GATA4: variants seen among roughly 807,000 people sequenced by gnomAD.
GATA4 encodes GATA binding protein 4, also known as transcription factor GATA-4.
GATA4 carries 7 observed loss-of-function variants against 37.9 expected under a neutral mutation model. That is an observed-to-expected ratio of 0.18 (90% confidence interval 0.11 to 0.35). The LOEUF (loss-of-function observed/expected upper bound fraction) is 0.35, where lower values mean the gene tolerates loss of function less well. GATA4 is among the 10% of genes least tolerant of loss of function. GATA4 has a pLI of 1.00. For synonymous variants in GATA4, 372 were observed against 292.6 expected (o/e 1.27, Z -2.77); for missense variants, 647 against 653.0 (o/e 0.99, Z 0.10).
intron 2 of GATA4, among the ~76,000 whole-genome samples, chr8:11,712,618 G>T (rs1800241263): frequency 6.6e-6 from 1 of 151,758 alleles, no homozygotes; most frequent in Non-Finnish European, 1.5e-5. Flanking sequence ...CCCTTTGGGA[G>T]GCTGAGGTGG....
At chr8:11,753,477 G>C (rs28565241) in intron 4 of GATA4, among the ~76,000 whole-genome samples, 1 of 143,456 alleles carries the variant, frequency 7.0e-6, no homozygotes, top group African/African-American at 2.6e-5. Flanking sequence ...AGTTAGGTGT[G>C]TTTCATTTTA....
chr8:11,689,899 G>A (rs768599448), upstream of GATA4, among the ~76,000 whole-genome samples: 33 of 152,220 alleles, frequency 2.2e-4, no homozygotes, highest in Admixed American at 1.8e-3. Flanking sequence ...AATTCCTATA[G>A]TAGCATGTTG....
intron 2 of GATA4, among the ~76,000 whole-genome samples, chr8:11,741,723 G>A (rs909764603): frequency 6.6e-6 from 1 of 152,228 alleles, no homozygotes; most frequent in African/African-American, 2.4e-5. Context: ...TGAAGGCCAG[G>A]AAGCGTTTCC....
chr8:11,690,799 A>T (rs1184539136), upstream of GATA4, among the ~76,000 whole-genome samples: 1 of 152,190 alleles, frequency 6.6e-6, no homozygotes, highest in Non-Finnish European at 1.5e-5. Context: ...TGAGCCCAGG[A>T]ATTGGAGGCT....
At chr8:11,742,669 G>T (rs772916343) in intron 2 of GATA4, among the ~76,000 whole-genome samples, 1 of 152,240 alleles carries the variant, frequency 6.6e-6, no homozygotes, top group African/African-American at 2.4e-5. Flanking sequence ...GGGCCTCCCC[G>T]TGACAGCCTC....
rs564378204 is a variant in GATA4, at chr8:11,707,823, C to A, written c.-457-33C>A. 4.7e-6 allele frequency: 1 copy of A among 211,688 alleles called. No homozygotes were observed. Among genetic ancestry groups the A allele is most frequent in the African/African-American group, 2.4e-5 (1 of 41,928 alleles). 13.1% of individuals were successfully genotyped at this position (211,688 alleles called of 1,614,324 possible). A position where few individuals can be genotyped will look rare whatever the true frequency, so the allele number is the denominator to read the frequency against. On this transcript the variant is annotated intron_variant, in intron 1 of 6. Coordinates refer to ENST00000532059, the MANE Select transcript of GATA4 (RefSeq NM_001308093.3). The surrounding 1 kb of genome is among the most constrained non-coding windows in gnomAD (Gnocchi z 4.7). ...TGGGTTCTGAAAGCTCTGGGATGAA[C>A]CACCCTCTCTCTTTCTGTCGTTCCT... is the stretch of plus-strand genomic sequence containing the variant.
chr8:11,682,031 G>T (rs189612084), intron 1 of GATA4, among the ~76,000 whole-genome samples: 1 of 152,214 alleles, frequency 6.6e-6, no homozygotes, highest in African/African-American at 2.4e-5. Flanking sequence ...AAGGCTTCTT[G>T]TCTGTGAATT....
At chr8:11,746,723 C>G (rs1353539263) in intron 2 of GATA4, among the ~76,000 whole-genome samples, 1 of 151,816 alleles carries the variant, frequency 6.6e-6, no homozygotes, top group East Asian at 1.9e-4. Context: ...GGTGGTCCAG[C>G]TGGGAGCAAG....
intron 1 of GATA4, among the ~76,000 whole-genome samples, chr8:11,684,722 T>C (rs1799085160): frequency 6.6e-6 from 1 of 152,232 alleles, no homozygotes; most frequent in South Asian, 2.1e-4. Flanking sequence ...GACATAATCA[T>C]GTGTTCAGCT....
At chr8:11,712,853 C>A (rs914600620) in intron 2 of GATA4, among the ~76,000 whole-genome samples, 2 of 152,020 alleles carry the variant, frequency 1.3e-5, no homozygotes, top group South Asian at 2.1e-4. Flanking sequence ...AGAGCAAAGA[C>A]CCTGTCTCAA....
At chr8:11,722,788 C>A (rs912358853) in intron 2 of GATA4, among the ~76,000 whole-genome samples, 1 of 152,172 alleles carries the variant, frequency 6.6e-6, no homozygotes, top group Non-Finnish European at 1.5e-5. Context: ...TTGCCTAGAC[C>A]CTTTACTTTG....
At chr8:11,712,307 A>G (rs372653676) in intron 2 of GATA4, among the ~76,000 whole-genome samples, 3 of 152,188 alleles carry the variant, frequency 2.0e-5, no homozygotes, top group Admixed American at 6.5e-5. Context: ...TGGACACTCA[A>G]TGTGAAAATG....
intron 2 of GATA4, among the ~76,000 whole-genome samples, chr8:11,748,044 C>A (rs1423091552): frequency 6.6e-6 from 1 of 151,738 alleles, no homozygotes; most frequent in Non-Finnish European, 1.5e-5. Flanking sequence ...CCTGATGAAA[C>A]CCCGTCTCTA....
In GATA4 at chr8:11,758,754, T is replaced by C. The variant is rs1802736055; in HGVS notation, c.*279T>C. On this transcript the variant is annotated 3_prime_UTR_variant, in exon 7 of 7. Coordinates refer to ENST00000532059, the MANE Select transcript of GATA4 (RefSeq NM_001308093.3). The stretch of plus-strand genomic sequence containing the variant: ...TGGAGACTTCTTTCCCAAGATGTCC[T>C]TGTCCCCTGCGTTCCCCACTGTGGC... 2 of 493,974 alleles carry C rather than the reference T, an allele frequency of 4.0e-6. No homozygotes were observed. The highest frequency in any genetic ancestry group is 2.0e-5 in the South Asian group (1 of 49,210). 30.6% of individuals were successfully genotyped at this position (493,974 alleles called of 1,614,324 possible). A position where few individuals can be genotyped will look rare whatever the true frequency, so the allele number is the denominator to read the frequency against.
chr8:11,688,033 C>T (rs1563187308), upstream of GATA4, among the ~76,000 whole-genome samples: 1 of 152,190 alleles, frequency 6.6e-6, no homozygotes, highest in Non-Finnish European at 1.5e-5. Flanking sequence ...ATACCAGGCA[C>T]AGCTTAAACC....
chr8:11,686,382 T>C (rs969613951), intron 1 of GATA4, among the ~76,000 whole-genome samples: 1 of 152,148 alleles, frequency 6.6e-6, no homozygotes, highest in Admixed American at 6.5e-5. Context: ...TTAATAATGG[T>C]ATTTTCTTTC....
chr8:11,707,472 C>A lies in GATA4; in HGVS notation c.-457-384C>A, dbSNP rs181573260. 1.3e-5 allele frequency among the ~76,000 whole-genome samples: 2 copies of A among 152,270 alleles called. No individual in the cohort carries two copies. Among genetic ancestry groups the A allele is most frequent in the East Asian group, 3.9e-4 (2 of 5,186 alleles). On this transcript the variant is annotated intron_variant, in intron 1 of 6. Transcript: ENST00000532059. This position sits in a 1 kb window ranked among gnomAD's most constrained non-coding sequence, Gnocchi z 4.7. ...GGGGAACAGAGGAGATGAGAGATTT[C>A]TTGGGTCCCAGGCACTCTGCATTAA...
chr8:11,692,979 A>G (rs1268657400), intron 1 of GATA4: 1 of 985,270 alleles, frequency 1.0e-6, no homozygotes, highest in African/African-American at 1.7e-5. Context: ...CCCCGCGGCC[A>G]TCCATCACCC....
chr8:11,702,890 C>A (rs983279712), upstream of GATA4, among the ~76,000 whole-genome samples: 1 of 152,222 alleles, frequency 6.6e-6, no homozygotes, highest in East Asian at 1.9e-4. The surrounding 1 kb of genome is among the most constrained non-coding windows in gnomAD (Gnocchi z 4.4). Flanking sequence ...CCCGCGCAGC[C>A]GCGCTCGTTT....
Sources: gnomAD v4.1 joint callset for allele counts (sites outside exome capture counted in the v4.1 genomes callset) on GRCh38, gnomAD v4.1.1 for gene constraint, Gnocchi (gnomAD v3.1) non-coding constraint, MANE v1.5 for transcripts, NCBI Gene and HGNC (gene_info 2026-07-23, HGNC 2026-07-21) for gene names.